ZNF438: variants seen among roughly 807,000 people sequenced by gnomAD.
ZNF438 encodes the protein zinc finger protein 438.
A neutral mutation model predicts 38.0 loss-of-function variants in ZNF438; 25 were observed. That is an observed-to-expected ratio of 0.66 (90% CI 0.48 to 0.92). The LOEUF is 0.92. ZNF438 is among the 40% of genes least tolerant of loss of function. The probability of loss-of-function intolerance (pLI) is 0.00; values close to 1 mark genes in which losing one functional copy is unlikely to be tolerated. For missense variants in ZNF438, 1,007 were observed against 999.6 expected (o/e 1.01, Z -0.10); for synonymous variants, 372 against 364.1 (o/e 1.02, Z -0.25).
intron 1 of ZNF438, among the ~76,000 whole-genome samples, chr10:31,015,459 C>T (rs2056117430): frequency 6.6e-6 from 1 of 152,068 alleles, no homozygotes; most frequent in Non-Finnish European, 1.5e-5. Flanking sequence ...GCCTGGCCAA[C>T]ACGGTGAAAC....
chr10:30,849,458 C>A, exon 5 of ZNF438: 1 of 1,614,180 alleles, frequency 6.2e-7, no homozygotes, highest in Non-Finnish European at 8.5e-7. Flanking sequence ...TAAAGAAAAA[C>A]CTGCAATGTT....
At chr10:30,896,810 G>A (rs963282118) in intron 3 of ZNF438, among the ~76,000 whole-genome samples, 4 of 152,064 alleles carry the variant, frequency 2.6e-5, no homozygotes, top group African/African-American at 7.2e-5. Context: ...CACTTAAAAA[G>A]GGTTAAGAAG....
chr10:30,958,441 A>T (rs1366111803), intron 1 of ZNF438, among the ~76,000 whole-genome samples: 1 of 147,294 alleles, frequency 6.8e-6, no homozygotes, highest in Non-Finnish European at 1.5e-5. Flanking sequence ...GAGAGCTTAG[A>T]GCAAAATCCA....
At chr10:30,944,500 T>C (rs1253654549) in intron 1 of ZNF438, among the ~76,000 whole-genome samples, 1 of 152,096 alleles carries the variant, frequency 6.6e-6, no homozygotes, top group Non-Finnish European at 1.5e-5. Context: ...AAGAAAACTA[T>C]ATGGGGGTTG....
chr10:30,985,640 A>C (rs1190777100), intron 1 of ZNF438, among the ~76,000 whole-genome samples: 1 of 152,234 alleles, frequency 6.6e-6, no homozygotes, highest in African/African-American at 2.4e-5. Context: ...ATTGCTACTT[A>C]AAAATCAGTT....
chr10:30,902,098 G>A (rs1471253038), intron 3 of ZNF438, among the ~76,000 whole-genome samples: 1 of 152,144 alleles, frequency 6.6e-6, no homozygotes, highest in Non-Finnish European at 1.5e-5. Context: ...TAGAGCGAAA[G>A]AACAAAGCTT....
chr10:30,847,516 C>A (rs773678804), intron 5 of ZNF438, among the ~76,000 whole-genome samples: 3 of 152,204 alleles, frequency 2.0e-5, no homozygotes, highest in Non-Finnish European at 4.4e-5. Context: ...TCTTCCTGAA[C>A]GCAGGACAAG....
exon 5 of ZNF438, chr10:30,849,215 T>C: frequency 6.2e-7 from 1 of 1,614,130 alleles, no homozygotes; most frequent in Non-Finnish European, 8.5e-7. Flanking sequence ...CCTTTTTCCC[T>C]GAAATGCCAA....
chr10:30,848,239 T>G (rs770444037), intron 5 of ZNF438, among the ~76,000 whole-genome samples: 12 of 152,160 alleles, frequency 7.9e-5, no homozygotes, highest in Admixed American at 1.3e-4. Context: ...TGATGCTGTT[T>G]AAAATAACGC....
intron 1 of ZNF438, among the ~76,000 whole-genome samples, chr10:31,009,311 A>G (rs1264282259): frequency 1.3e-5 from 2 of 152,140 alleles, no homozygotes; most frequent in African/African-American, 4.8e-5. Flanking sequence ...GATAACTGGC[A>G]CTCTTTTAAA....
intron 1 of ZNF438, among the ~76,000 whole-genome samples, chr10:30,990,243 A>G (rs556100428): frequency 6.6e-5 from 10 of 152,348 alleles, no homozygotes; most frequent in African/African-American, 2.4e-4. Context: ...GTAACTGAAT[A>G]AGAAATAAGG....
intron 1 of ZNF438, among the ~76,000 whole-genome samples, chr10:30,959,950 C>T (rs2049288978): frequency 1.4e-5 from 2 of 147,200 alleles, no homozygotes; most frequent in Non-Finnish European, 3.1e-5. Context: ...TATATACTGT[C>T]TTTTTTATTA....
chr10:30,955,815 CTTA>C (rs112671015), intron 1 of ZNF438, among the ~76,000 whole-genome samples: 62 of 152,280 alleles, frequency 4.1e-4, no homozygotes, highest in Admixed American at 1.0e-3. Flanking sequence ...ATTTTTGTAA[CTTA>C]TTATTATTTT....
intron 1 of ZNF438, among the ~76,000 whole-genome samples, chr10:30,981,535 G>A (rs1426472208): frequency 6.6e-6 from 1 of 152,096 alleles, no homozygotes; most frequent in South Asian, 2.1e-4. Flanking sequence ...TATCTCATAG[G>A]TAATTATGAA....
intron 1 of ZNF438, among the ~76,000 whole-genome samples, chr10:30,976,451 G>A (rs943998933): frequency 1.3e-5 from 2 of 152,146 alleles, no homozygotes; most frequent in African/African-American, 4.8e-5. Context: ...TCATAAATTA[G>A]AAAGTCATGG....
intron 4 of ZNF438, among the ~76,000 whole-genome samples, chr10:30,852,249 T>C (rs2033796554): frequency 6.6e-6 from 1 of 151,896 alleles, no homozygotes; most frequent in Admixed American, 6.6e-5. Flanking sequence ...TTGCTCTTAT[T>C]GCTTAGGTGA....
chr10:30,914,507 A>G (rs1384295957), intron 2 of ZNF438, among the ~76,000 whole-genome samples: 1 of 152,084 alleles, frequency 6.6e-6, no homozygotes, highest in Non-Finnish European at 1.5e-5. Flanking sequence ...TCTAGAATGC[A>G]TCAGTGTTAA....
intron 1 of ZNF438, among the ~76,000 whole-genome samples, chr10:30,957,445 C>T (rs1432700808): frequency 6.6e-6 from 1 of 152,156 alleles, no homozygotes; most frequent in Admixed American, 6.5e-5. Context: ...TGAAGTCTTA[C>T]CCATACAAAC....
At chr10:30,940,109 C>T (rs1049267982) in intron 2 of ZNF438, among the ~76,000 whole-genome samples, 4 of 152,062 alleles carry the variant, frequency 2.6e-5, no homozygotes, top group Admixed American at 2.0e-4. Context: ...GAATATGGAA[C>T]ATATGCATTT....
Sources: gnomAD v4.1 joint callset for allele counts (sites outside exome capture counted in the v4.1 genomes callset) on GRCh38, gnomAD v4.1.1 for gene constraint, MANE v1.5 for transcripts, NCBI Gene and HGNC (gene_info 2026-07-23, HGNC 2026-07-21) for gene names.